TMEM106A: variants seen among roughly 807,000 people sequenced by gnomAD.
TMEM106A encodes the protein transmembrane protein 106A.
TMEM106A carries 22 observed loss-of-function variants against 25.1 expected under a neutral mutation model. The observed-to-expected ratio is 0.88, with a 90% CI of 0.63 to 1.25. The LOEUF (loss-of-function observed/expected upper bound fraction) is 1.25. Ranked by LOEUF, TMEM106A falls within the 50% of genes most tolerant of loss-of-function variation. The pLI, the probability that TMEM106A is intolerant of heterozygous loss-of-function variation, is 0.00. For missense variants in TMEM106A, 275 were observed against 318.1 expected (o/e 0.86, Z 1.03); for synonymous variants, 104 against 129.9 (o/e 0.80, Z 1.35).
At chr17:43,216,117 G>A (rs895791067) in intron 5 of TMEM106A, 176 bp downstream of exon 5, 14 of 804,890 alleles carry the variant, frequency 1.7e-5, no homozygotes, top group Non-Finnish European at 1.2e-5. Flanking sequence ...GGTAAGGATT[G>A]GGACTCTACA....
At chr17:43,216,840 C>T (rs2057491374) in intron 7 of TMEM106A, 100 bp downstream of exon 7, 2 of 1,501,944 alleles carry the variant, frequency 1.3e-6, no homozygotes, top group Non-Finnish European at 1.9e-6. Flanking sequence ...ATTCTTCAGC[C>T]AGCATCTGGC....
chr17:43,214,098 C>T (rs2057461972), intron 4 of TMEM106A: 1 of 503,482 alleles, frequency 2.0e-6, no homozygotes, highest in African/African-American at 2.0e-5. Context: ...TGCCTGTAAT[C>T]CCAGCACTTT....
rs1241358174 is a variant in TMEM106A at position 43,215,771 on chromosome 17, G to T, written c.276-17G>T. The T allele has an allele frequency of 6.2e-7, 1 of 1,612,766 alleles. No individual in the cohort carries two copies. The highest frequency in any genetic ancestry group is 1.1e-5 in the South Asian group (1 of 91,032). ...AGACTTTTCCATTCCTCCATCCTGG[G>T]TCCTGCTTTCCCACAGGAAGCTCTT... On this transcript the variant is annotated splice_polypyrimidine_tract_variant and intron_variant, in intron 4 of 8. Transcript: ENST00000612339.
chr17:43,215,648 C>T lies in TMEM106A; in HGVS notation c.276-140C>T, dbSNP rs901732980. On this transcript the variant is annotated intron_variant, in intron 4 of 8. Coordinates refer to ENST00000612339, the MANE Select transcript of TMEM106A (RefSeq NM_145041.4). ...CTGTGCTCCTACTCATTCCGGGCCA[C>T]ATCTGGGGAGCTAAATGTTGTTGGG... The T allele has an allele frequency of 8.2e-5, 74 of 898,636 alleles. 3 individuals are homozygous for T. Among genetic ancestry groups the T allele is most frequent in the East Asian group, 4.1e-4 (17 of 41,082 alleles). The allele number at this position is 898,636 out of a possible 1,614,324, so 55.7% of individuals were successfully genotyped here.
At position 43,216,723 on chromosome 17, in the gene TMEM106A, A is replaced by G. The variant is rs1463226356; in HGVS notation, c.597A>G (p.Ile199Met). 6.2e-7 allele frequency: 1 copy of G among 1,614,244 alleles called. No individual in the cohort carries two copies. The highest frequency in any genetic ancestry group is 1.7e-5 in the Admixed American group (1 of 60,026). Residue 199 changes from isoleucine to methionine, a missense_variant, in exon 7 of 9, where the codon ATA becomes ATG. Physicochemically the swap from Ile to Met is conservative, Grantham distance 10. Transcript: ENST00000612339. The stretch of plus-strand genomic sequence containing the variant: ...TGTTTTACGCAGTAGCTACCAAGAT[A>G]CGGGATGAAAACACATAGTGAGTAC... Reference protein sequence around the residue: ...EQMFYAVATKIRDENTYKICT... With the variant: ...EQMFYAVATKMRDENTYKICT...
rs1450303888 is a variant in TMEM106A, at chr17:43,217,074, G to A, written c.615-185G>A. On this transcript the variant is annotated intron_variant, in intron 7 of 8. Coordinates refer to ENST00000612339, the MANE Select transcript of TMEM106A (RefSeq NM_145041.4). ...GGGCCAAGTGAGTGGAGGTCAGAGT[G>A]ATAGTGCAGCCATGCTGCTACACTC... is the stretch of plus-strand genomic sequence containing the variant. The A allele has an allele frequency of 4.4e-6, 3 of 675,502 alleles. No homozygotes were observed. In the African/African-American group the frequency reaches 5.3e-5, roughly 12 times the overall value. 41.8% of individuals were successfully genotyped at this position (675,502 alleles called of 1,614,324 possible). A position where few individuals can be genotyped will look rare whatever the true frequency, so the allele number is the denominator to read the frequency against.
rs1179442783 is a variant in TMEM106A, at chr17:43,219,560, A to C, written c.*1759A>C. The C allele has an allele frequency of 6.6e-6, 1 of 151,374 alleles. No homozygotes were observed. The highest frequency in any genetic ancestry group is 2.4e-5 in the African/African-American group (1 of 41,026). The allele number at this position is 151,374 out of a possible 1,614,324, so 9.4% of individuals were successfully genotyped here. On this transcript the variant is annotated 3_prime_UTR_variant, in exon 9 of 9. Coordinates refer to ENST00000612339, the MANE Select transcript of TMEM106A (RefSeq NM_145041.4). ...TTTAACATGAGCAGCAACATTAGCA[A>C]GACCCCGTTTAAAAAAAAAAAAAGA...
rs1721288858 is a variant in TMEM106A, at chr17:43,213,139, A to G, written c.98A>G (p.Tyr33Cys). 6 of 1,614,000 alleles carry G rather than the reference A, an allele frequency of 3.7e-6. No homozygotes were observed. In the South Asian group the frequency reaches 5.5e-5, roughly 15 times the overall value. ...GCCATTGGCAGCAAGGCTGTCAACT[A>G]CTCCAGCACCGGTAGCAGCAAGTCT... ...KPAIGSKAVN[Y>C]SSTGSSKSFC... The change falls in exon 3 of 9, where the codon TAC becomes TGC. Residue 33 changes from tyrosine to cysteine, a missense_variant. Coordinates refer to ENST00000612339, the MANE Select transcript of TMEM106A (RefSeq NM_145041.4).
intron 7 of TMEM106A, 62 bp downstream of exon 7, chr17:43,216,802 C>A: frequency 7.5e-6 from 12 of 1,600,666 alleles, no homozygotes; most frequent in Non-Finnish European, 9.4e-6. Context: ...CCAATTAATA[C>A]CCACCAGCTT....
chr17:43,214,364 C>A (rs1232431591), intron 4 of TMEM106A, among the ~76,000 whole-genome samples: 1 of 152,142 alleles, frequency 6.6e-6, no homozygotes, highest in Non-Finnish European at 1.5e-5. Context: ...CTCTGCAAGT[C>A]CTCCCAGGAA....
In TMEM106A at chr17:43,213,252, G is replaced by A. The variant is rs2057452898; in HGVS notation, c.211G>A (p.Glu71Lys). 6.2e-7 allele frequency: 1 copy of A among 1,614,160 alleles called. No homozygotes were observed. Among genetic ancestry groups the A allele is most frequent in the Admixed American group, 1.7e-5 (1 of 60,030 alleles). ...TCQGSGKIPQELEKQLVALIP... is the reference protein window; with the variant it reads ...TCQGSGKIPQKLEKQLVALIP... ...CCAGGGCAGTGGCAAGATTCCCCAA[G>A]GTGAGTGGCCCAAGGCTCTGGAAAT... is the stretch of plus-strand genomic sequence containing the variant. The change falls in exon 3 of 9, where the codon GAG becomes AAG. Residue 71 changes from glutamate (E) to lysine (K), a missense_variant and splice_region_variant. Glu to Lys is a moderately conservative substitution (Grantham distance 56). Transcript: ENST00000612339.
chr17:43,215,670 TG>T, intron 4 of TMEM106A, 117 bp from the exon 5 acceptor site: 2 of 1,084,538 alleles, frequency 1.8e-6, no homozygotes, highest in Non-Finnish European at 1.4e-6. Flanking sequence ...TAAATGTTGT[TG>T]GGGTAGTGTG....
chr17:43,216,072 G>GAGA, intron 5 of TMEM106A, 131 bp downstream of exon 5: 2 of 1,123,542 alleles, frequency 1.8e-6, no homozygotes, highest in South Asian at 3.0e-5. Context: ...GGAGCCTGAA[G>GAGA]AGAAGTAGGA....
chr17:43,212,958 C>G, intron 2 of TMEM106A, 63 bp from the exon 3 acceptor site: 1 of 1,412,280 alleles, frequency 7.1e-7, no homozygotes, highest in Non-Finnish European at 9.9e-7. Flanking sequence ...AACTTCAAAC[C>G]AAAATTACAT....
At position 43,215,805 on chromosome 17, in the gene TMEM106A, T is replaced by C; in HGVS notation, c.293T>C (p.Leu98Pro). Residue 98 changes from leucine to proline, a missense_variant, in exon 5 of 9, where the codon CTG becomes CCG. Physicochemically the swap from Leu to Pro is moderately conservative, Grantham distance 98 (BLOSUM62 -3). Transcript: ENST00000612339. ...TCCCACAGGAAGCTCTTTGTGTTCC[T>C]GGCCGTGCTCATCTGCCTGGTGACC... ...KPKHTKLFVF[L>P]AVLICLVTSS... 2 of 1,613,952 alleles carry C rather than the reference T, an allele frequency of 1.2e-6. No individual in the cohort carries two copies. The highest frequency in any genetic ancestry group is 1.7e-6 in the Non-Finnish European group (2 of 1,180,018).
chr17:43,216,996 T>C (rs2154582625), intron 7 of TMEM106A: 1 of 623,678 alleles, frequency 1.6e-6, no homozygotes, highest in South Asian at 1.9e-5. Context: ...CCTGCATTGC[T>C]GAGGAAGAAG....
chr17:43,213,611 T>C (rs2057457399), intron 3 of TMEM106A, among the ~76,000 whole-genome samples: 1 of 152,206 alleles, frequency 6.6e-6, no homozygotes, highest in Non-Finnish European at 1.5e-5. Context: ...TCTTCATACC[T>C]ATTAGTGGAA....
intron 4 of TMEM106A, 77 bp from the exon 5 acceptor site, chr17:43,215,711 T>G (rs1443300661): frequency 6.7e-7 from 1 of 1,494,870 alleles, no homozygotes; most frequent in Non-Finnish European, 9.2e-7. Context: ...TGGAGAGGAG[T>G]GTCTGAACCC....
At chr17:43,214,959 G>GAAAA (rs538770111) in intron 4 of TMEM106A, among the ~76,000 whole-genome samples, 3 of 73,888 alleles carry the variant, frequency 4.1e-5, no homozygotes, top group African/African-American at 1.5e-4. Flanking sequence ...GGCCTCATCT[G>GAAAA]AAAAAAAAAA....
Sources: gnomAD v4.1 joint callset for allele counts (sites outside exome capture counted in the v4.1 genomes callset) on GRCh38, gnomAD v4.1.1 for gene constraint, MANE v1.5 for transcripts, NCBI Gene and HGNC (gene_info 2026-07-23, HGNC 2026-07-21) for gene names.